The following ZIC4 variants were observed in gnomAD, a reference collection of about 807,000 sequenced individuals.
The protein encoded by ZIC4 is zinc finger protein ZIC 4.
In ZIC4, 15 loss-of-function variants were observed where a neutral mutation model predicts 28.8. The observed-to-expected ratio is 0.52, with a 90% CI of 0.35 to 0.80. The LOEUF is 0.80. Ranked by LOEUF, ZIC4 falls within the 30% of genes least tolerant of loss-of-function variation. The pLI is 0.01. For missense variants in ZIC4, 512 were observed against 467.1 expected (o/e 1.10, Z -0.89); for synonymous variants, 220 against 198.1 (o/e 1.11, Z -0.93).
At chr3:147,390,333 ACGG>A (rs1261465638) in intron 4 of ZIC4, among the ~76,000 whole-genome samples, 1 of 147,592 alleles carries the variant, frequency 6.8e-6, no homozygotes, top group African/African-American at 2.5e-5. Context: ...AGTCAAGAAA[ACGG>A]CTCTGGAATT....
chr3:147,394,228 G>GTGTTTGTT (rs887057238), intron 3 of ZIC4, among the ~76,000 whole-genome samples: 2 of 151,616 alleles, frequency 1.3e-5, no homozygotes, highest in Non-Finnish European at 2.9e-5. Flanking sequence ...GTTGTTGGTC[G>GTGTTTGTT]TGTTTGTTTG....
At position 147,387,388 on chromosome 3, in the gene ZIC4, T is replaced by C. The variant is rs1221988923; in HGVS notation, c.*1471A>G. 6.6e-6 allele frequency: 1 copy of C among 152,502 alleles called. No individual in the cohort carries two copies. Among genetic ancestry groups the C allele is most frequent in the Non-Finnish European group, 1.5e-5 (1 of 68,012 alleles). The allele number at this position is 152,502 out of a possible 1,614,324, so 9.4% of individuals were successfully genotyped here. On this transcript the variant is annotated 3_prime_UTR_variant, in exon 5 of 5. Coordinates refer to ENST00000383075, the MANE Select transcript of ZIC4 (RefSeq NM_032153.6). The stretch of plus-strand genomic sequence containing the variant: ...AGAACAAATCGCTGACAAAGAACCT[T>C]TTACGTTTCATCAGCGTTGTTAGGA...
rs371979809 is a variant in ZIC4, at chr3:147,390,784, C to A, written c.1004+147G>T. On this transcript the variant is annotated intron_variant, in intron 4 of 4. Coordinates refer to ENST00000383075, the MANE Select transcript of ZIC4 (RefSeq NM_032153.6). ...TCATGCCTCAGAAACGTGGCCTACT[C>A]TGCATTCGGTGTGTGCGGAAGCAGC... The A allele has an allele frequency of 1.4e-4, 152 of 1,108,578 alleles. No individual in the cohort carries two copies. The East Asian group carries it at 3.1e-3, about 23-fold the overall frequency. The allele number at this position is 1,108,578 out of a possible 1,614,324, so 68.7% of individuals were successfully genotyped here.
chr3:147,395,705 G>A, intron 3 of ZIC4, 147 bp downstream of exon 3: 2 of 1,278,228 alleles, frequency 1.6e-6, no homozygotes, highest in Non-Finnish European at 2.1e-6. Flanking sequence ...AAGAATAGAA[G>A]CGCATAATTA....
chr3:147,386,167 A>G lies in ZIC4; in HGVS notation c.*2692T>C, dbSNP rs1239704786. On this transcript the variant is annotated 3_prime_UTR_variant, in exon 5 of 5. Transcript: ENST00000383075. ...CACAGATTTAATATCATTTACATTTATATATTTACAAGATCAAGCCATGGC... is the reference window on the plus strand; with the variant it reads ...CACAGATTTAATATCATTTACATTTGTATATTTACAAGATCAAGCCATGGC... The G allele has an allele frequency of 7.9e-5, 12 of 152,234 alleles. No homozygotes were observed. The highest frequency in any genetic ancestry group is 7.9e-4 in the Admixed American group (12 of 15,282). The allele number at this position is 152,234 out of a possible 1,614,324, so 9.4% of individuals were successfully genotyped here.
intron 2 of ZIC4, among the ~76,000 whole-genome samples, chr3:147,400,014 A>G (rs2087132550): frequency 6.6e-6 from 1 of 152,198 alleles, no homozygotes; most frequent in Admixed American, 6.5e-5. Flanking sequence ...AAAAGCTTTG[A>G]ATAACAGTAT....
Position 147,396,632 on chromosome 3 carries a change from A to G in ZIC4, c.71-163T>C. 1 of 865,560 alleles carries G rather than the reference A, an allele frequency of 1.2e-6. No homozygotes were observed. The highest frequency in any genetic ancestry group is 1.6e-6 in the Non-Finnish European group (1 of 613,926). 53.6% of individuals were successfully genotyped at this position (865,560 alleles called of 1,614,324 possible). On this transcript the variant is annotated intron_variant, in intron 2 of 4. Coordinates refer to ENST00000383075, the MANE Select transcript of ZIC4 (RefSeq NM_032153.6). The surrounding 1 kb of genome is among the most constrained non-coding windows in gnomAD (Gnocchi z 4.2). Reference sequence around the variant, plus strand: ...CAGCAGTGAACCCGGTGGACAGAGCAAGGCCAAACACCTCCGCCGCCATTG... The same window carrying G: ...CAGCAGTGAACCCGGTGGACAGAGCGAGGCCAAACACCTCCGCCGCCATTG...
chr3:147,398,403 G>C (rs959734768), intron 2 of ZIC4, among the ~76,000 whole-genome samples: 5 of 152,030 alleles, frequency 3.3e-5, no homozygotes, highest in African/African-American at 1.2e-4. Flanking sequence ...GGCCGCCTCC[G>C]ACAAGATGCC....
At chr3:147,392,040 C>T in intron 3 of ZIC4, 1 of 985,588 alleles carries the variant, frequency 1.0e-6, no homozygotes, top group South Asian at 4.7e-5. Flanking sequence ...CCAGAGGCTT[C>T]CTGGAGACCG....
In ZIC4 at chr3:147,396,453, G is replaced by A; in HGVS notation, c.87C>T (p.His29=). 6.6e-7 allele frequency: 1 copy of A among 1,518,770 alleles called. No homozygotes were observed. Among genetic ancestry groups the A allele is most frequent in the Admixed American group, 2.3e-5 (1 of 44,038 alleles). 94.1% of individuals were successfully genotyped at this position (1,518,770 alleles called of 1,614,324 possible). The stretch of plus-strand genomic sequence containing the variant: ...AGGCGGCGGTGAGCTGGGGGCCATG[G>A]TGTCCAGAGCTGCTACCTGTTGTCG... ...TLKESSSSSG[H]HGPQLTAASS... Residue 29 remains histidine (H), a synonymous_variant, in exon 3 of 5, where the codon CAC becomes CAT. Transcript: ENST00000383075. The surrounding 1 kb of genome is among the most constrained non-coding windows in gnomAD (Gnocchi z 4.2).
In ZIC4 at chr3:147,396,486, T is replaced by G; in HGVS notation, c.71-17A>C. On this transcript the variant is annotated splice_polypyrimidine_tract_variant and intron_variant, in intron 2 of 4. Coordinates refer to ENST00000383075, the MANE Select transcript of ZIC4 (RefSeq NM_032153.6). The surrounding 1 kb of genome is among the most constrained non-coding windows in gnomAD (Gnocchi z 4.2). ...AGCTGCTACCTGTTGTCGAAACAAATAGCGCGCATGAGAACGGGTGGCGTG... is the reference window on the plus strand; with the variant it reads ...AGCTGCTACCTGTTGTCGAAACAAAGAGCGCGCATGAGAACGGGTGGCGTG... 6.7e-7 allele frequency: 1 copy of G among 1,503,540 alleles called. No homozygotes were observed. Among genetic ancestry groups the G allele is most frequent in the Non-Finnish European group, 8.8e-7 (1 of 1,131,082 alleles). 93.1% of individuals were successfully genotyped at this position (1,503,540 alleles called of 1,614,324 possible).
In ZIC4 at chr3:147,396,591, C is replaced by G; in HGVS notation, c.71-122G>C. 8.0e-7 allele frequency: 1 copy of G among 1,253,946 alleles called. No homozygotes were observed. The highest frequency in any genetic ancestry group is 1.9e-5 in the South Asian group (1 of 52,744). 77.7% of individuals were successfully genotyped at this position (1,253,946 alleles called of 1,614,324 possible). A position where few individuals can be genotyped will look rare whatever the true frequency, so the allele number is the denominator to read the frequency against. ...GGCCTCTGCAGTCAGCCGTGGAACT[C>G]AGAGCCAGACAGCGCCAGCAGTGAA... is the stretch of plus-strand genomic sequence containing the variant. On this transcript the variant is annotated intron_variant, in intron 2 of 4. Transcript: ENST00000383075. The surrounding 1 kb of genome is among the most constrained non-coding windows in gnomAD (Gnocchi z 4.2).
rs889885992 is a variant in ZIC4 at position 147,403,780 on chromosome 3, AC to A, written c.-15-969del. On this transcript the variant is annotated intron_variant, in intron 1 of 4. Transcript: ENST00000383075. ...AAGCAGTTGTTTAACTTGTTGAACC[AC>A]AGGCCAAATCCAAGTGGGACTCTGT... 7 of 585,014 alleles carry A rather than the reference AC, an allele frequency of 1.2e-5. No homozygotes were observed. In the Middle Eastern group the frequency reaches 1.4e-3, roughly 119 times the overall value. The allele number at this position is 585,014 out of a possible 1,614,324, so 36.2% of individuals were successfully genotyped here.
chr3:147,396,050 C>G lies in ZIC4; in HGVS notation c.490G>C (p.Gly164Arg). ...LVTHVTVEHV[G>R]GPEQANHICF... is the part of the protein sequence containing the mutation. ...ATGTGGTTGGCCTGTTCCGGGCCGC[C>G]GACGTGCTCCACGGTGACGTGCGTG... is the stretch of plus-strand genomic sequence containing the variant. The change falls in exon 3 of 5, where the codon GGC (glycine) becomes CGC (arginine). Residue 164 changes from glycine (G) to arginine (R), a missense_variant. Physicochemically the swap from Gly to Arg is moderately radical, Grantham distance 125. Coordinates refer to ENST00000383075, the MANE Select transcript of ZIC4 (RefSeq NM_032153.6). The surrounding 1 kb of genome is among the most constrained non-coding windows in gnomAD (Gnocchi z 4.2). The G allele has an allele frequency of 6.2e-7, 1 of 1,614,224 alleles. No individual in the cohort carries two copies. Among genetic ancestry groups the G allele is most frequent in the Non-Finnish European group, 8.5e-7 (1 of 1,180,044 alleles).
At position 147,388,177 on chromosome 3, in the gene ZIC4, G is replaced by A. The variant is rs571137886; in HGVS notation, c.*682C>T. ...CAGTATTAAATGGCGTGAAAGCAAA[G>A]GTCAGCGCAAATGTATCTTAATAGA... On this transcript the variant is annotated 3_prime_UTR_variant, in exon 5 of 5. Coordinates refer to ENST00000383075, the MANE Select transcript of ZIC4 (RefSeq NM_032153.6). 1 of 152,752 alleles carries A rather than the reference G, an allele frequency of 6.5e-6. No individual in the cohort carries two copies. Among genetic ancestry groups the A allele is most frequent in the East Asian group, 1.9e-4 (1 of 5,178 alleles). The allele number at this position is 152,752 out of a possible 1,614,324, so 9.5% of individuals were successfully genotyped here.
At chr3:147,403,739 T>C (rs1489270300) in intron 1 of ZIC4, 1 of 430,258 alleles carries the variant, frequency 2.3e-6, no homozygotes, top group Non-Finnish European at 4.1e-6. Context: ...TCAATGGGGA[T>C]GTCTGCCCAC....
chr3:147,400,804 C>A (rs1463082692), intron 2 of ZIC4, among the ~76,000 whole-genome samples: 1 of 152,122 alleles, frequency 6.6e-6, no homozygotes, highest in Non-Finnish European at 1.5e-5. Context: ...GGAACCCAGG[C>A]TACAGAGATT....
chr3:147,395,736 A>C, intron 3 of ZIC4, 116 bp downstream of exon 3: 1 of 1,476,058 alleles, frequency 6.8e-7, no homozygotes, highest in Non-Finnish European at 9.1e-7. Context: ...GCCTTGGCTC[A>C]TGGAAACAAC....
chr3:147,393,933 C>T (rs1348459042), intron 3 of ZIC4: 1 of 456,718 alleles, frequency 2.2e-6, no homozygotes. Flanking sequence ...AAGCCAGGCC[C>T]CGGATTCAGG....
Sources: allele counts gnomAD v4.1 joint callset (sites outside exome capture counted in the v4.1 genomes callset), GRCh38; gene constraint gnomAD v4.1.1; non-coding constraint Gnocchi (gnomAD v3.1); transcripts MANE v1.5; gene names NCBI Gene and HGNC (gene_info 2026-07-23, HGNC 2026-07-21).